The following EVI5 variants were observed in gnomAD, a reference collection of about 807,000 sequenced individuals.
EVI5 encodes the protein ecotropic viral integration site 5 protein homolog.
EVI5 carries 73 observed loss-of-function variants against 112.0 expected under a neutral mutation model. The ratio of observed to expected loss-of-function variants is 0.65; its 90% CI spans 0.54 to 0.79. EVI5 has a LOEUF of 0.79. EVI5 is among the 30% of genes least tolerant of loss of function. The pLI, the probability that EVI5 is intolerant of heterozygous loss-of-function variation, is 0.00. For missense variants in EVI5, 900 were observed against 968.8 expected, an observed-to-expected ratio of 0.93 and a Z score of 0.94; for synonymous variants, 305 against 319.9, an observed-to-expected ratio of 0.95 and a Z score of 0.50.
At chr1:92,784,305 C>A (rs967744594) in intron 1 of EVI5, 58 of 985,284 alleles carry the variant, frequency 5.9e-5, no homozygotes, top group Non-Finnish European at 6.9e-5. Flanking sequence ...TAAGGTGATT[C>A]AGGAATGGCT....
At chr1:92,691,230 A>T (rs1371390551) in intron 9 of EVI5, among the ~76,000 whole-genome samples, 2 of 152,220 alleles carry the variant, frequency 1.3e-5, no homozygotes, top group African/African-American at 4.8e-5. Context: ...ACTACTGTTA[A>T]GTGGTGGAAG....
chr1:92,778,617 A>G (rs1437123309), intron 1 of EVI5, among the ~76,000 whole-genome samples: 1 of 152,198 alleles, frequency 6.6e-6, no homozygotes, highest in Non-Finnish European at 1.5e-5. Context: ...CTGGGACAAA[A>G]GGAAAGATAA....
intron 13 of EVI5, chr1:92,647,521 GA>G: frequency 1.9e-6 from 1 of 513,484 alleles, no homozygotes; most frequent in Non-Finnish European, 3.6e-6. Flanking sequence ...GCACTTCTTG[GA>G]AAATTCTGCA....
At chr1:92,614,295 C>T (rs753875711) in intron 16 of EVI5, among the ~76,000 whole-genome samples, 7 of 152,098 alleles carry the variant, frequency 4.6e-5, no homozygotes, top group Admixed American at 6.6e-5. Flanking sequence ...AAAAAAATTA[C>T]AAAGCATAGG....
At chr1:92,592,498 CA>C (rs1232567301) in intron 18 of EVI5, among the ~76,000 whole-genome samples, 1 of 152,096 alleles carries the variant, frequency 6.6e-6, no homozygotes, top group African/African-American at 2.4e-5. Flanking sequence ...CCTAACATCA[CA>C]ATTAAAAGAA....
chr1:92,565,397 GAGC>G (rs1669286540), intron 18 of EVI5, among the ~76,000 whole-genome samples: 1 of 152,154 alleles, frequency 6.6e-6, no homozygotes, highest in South Asian at 2.1e-4. Flanking sequence ...TAACTTTAGA[GAGC>G]TTTGAAATTC....
At chr1:92,516,938 T>C (rs1659999489) in intron 19 of EVI5, among the ~76,000 whole-genome samples, 1 of 151,866 alleles carries the variant, frequency 6.6e-6, no homozygotes, top group Non-Finnish European at 1.5e-5. Flanking sequence ...CAAACTGAGA[T>C]TAGCATATTT....
chr1:92,760,527 T>C (rs1189416247), intron 1 of EVI5, among the ~76,000 whole-genome samples: 2 of 145,068 alleles, frequency 1.4e-5, no homozygotes, highest in Non-Finnish European at 3.0e-5. Context: ...AGGTCAGGAG[T>C]TCGAGACCAG....
chr1:92,522,196 T>G (rs1661044904), intron 19 of EVI5, among the ~76,000 whole-genome samples: 1 of 152,226 alleles, frequency 6.6e-6, no homozygotes, highest in Admixed American at 6.6e-5. Flanking sequence ...GAACTCAGTT[T>G]CTGAACTCAC....
chr1:92,612,983 C>T (rs1435620553), intron 16 of EVI5, among the ~76,000 whole-genome samples: 1 of 152,186 alleles, frequency 6.6e-6, no homozygotes, highest in African/African-American at 2.4e-5. Context: ...CGGGTACACA[C>T]ACAAAAGACT....
chr1:92,524,814 T>C (rs1220260336), intron 19 of EVI5, among the ~76,000 whole-genome samples: 10 of 151,858 alleles, frequency 6.6e-5, no homozygotes, highest in Admixed American at 2.0e-4. Flanking sequence ...TTACAGACAC[T>C]GATAGATTAA....
Position 92,698,721 on chromosome 1 carries a change from TGAGA to T in EVI5, c.640-740_640-737del, listed in dbSNP as rs1670681698. On this transcript the variant is annotated intron_variant, in intron 5 of 19. Transcript: ENST00000684568. Reference sequence around the variant, plus strand: ...TAAGGATTTCGACTTTTACCTTAAGTGAGAGAGAGGGATTTTTGAGGATTCTGAG... The same window carrying T: ...TAAGGATTTCGACTTTTACCTTAAGTGAGAGGGATTTTTGAGGATTCTGAG... Among the ~76,000 whole-genome samples the T allele has an allele frequency of 2.0e-5, 3 of 152,214 alleles. No homozygotes were observed. The South Asian group carries it at 6.2e-4, about 32-fold the overall frequency.
intron 1 of EVI5, among the ~76,000 whole-genome samples, chr1:92,790,411 A>T (rs1229797653): frequency 6.6e-6 from 1 of 152,190 alleles, no homozygotes; most frequent in East Asian, 1.9e-4. Context: ...GACAGCACAA[A>T]TATAGAACAT....
chr1:92,614,095 G>T (rs1652498638), intron 16 of EVI5, among the ~76,000 whole-genome samples: 1 of 152,082 alleles, frequency 6.6e-6, no homozygotes, highest in African/African-American at 2.4e-5. Flanking sequence ...TATTGCTAAG[G>T]GAATTTGAAG....
At chr1:92,716,605 T>A (rs1570550474) in intron 2 of EVI5, among the ~76,000 whole-genome samples, 1 of 150,888 alleles carries the variant, frequency 6.6e-6, no homozygotes, top group East Asian at 1.9e-4. Context: ...GGAACAAAGC[T>A]GGATGGAGAA....
chr1:92,560,637 C>T (rs1448775777), intron 19 of EVI5, among the ~76,000 whole-genome samples: 2 of 152,128 alleles, frequency 1.3e-5, no homozygotes, highest in African/African-American at 2.4e-5. Flanking sequence ...TCACGGTTCA[C>T]TGCAGCCTTG....
At chr1:92,600,821 C>T (rs905889902) in intron 18 of EVI5, among the ~76,000 whole-genome samples, 2 of 152,174 alleles carry the variant, frequency 1.3e-5, no homozygotes, top group African/African-American at 4.8e-5. Context: ...TGGACTGATA[C>T]CTGTCTGTGG....
At chr1:92,546,995 A>G (rs1665828486) in intron 19 of EVI5, among the ~76,000 whole-genome samples, 1 of 152,180 alleles carries the variant, frequency 6.6e-6, no homozygotes, top group Admixed American at 6.6e-5. Flanking sequence ...GCACCAAGCG[A>G]ACCTAACAGA....
chr1:92,733,863 G>A (rs1382889937), intron 2 of EVI5, among the ~76,000 whole-genome samples: 4 of 152,142 alleles, frequency 2.6e-5, no homozygotes, highest in African/African-American at 9.7e-5. Flanking sequence ...AGTACTGTCA[G>A]CTGTTGACTG....
Sources: allele counts gnomAD v4.1 joint callset (sites outside exome capture counted in the v4.1 genomes callset), GRCh38; gene constraint gnomAD v4.1.1; transcripts MANE v1.5; gene names NCBI Gene and HGNC (gene_info 2026-07-23, HGNC 2026-07-21).